Variants in HOMER1 observed in about 807,000 individuals in gnomAD.
HOMER1 encodes the protein homer protein homolog 1.
A neutral mutation model predicts 48.9 loss-of-function variants in HOMER1; 3 were observed. The observed-to-expected ratio is 0.06, with a 90% CI of 0.03 to 0.16. HOMER1 has a LOEUF of 0.16. HOMER1 is among the 10% of genes least tolerant of loss of function. The probability of loss-of-function intolerance (pLI) is 1.00; values close to 1 mark genes in which losing one functional copy is unlikely to be tolerated. For synonymous variants in HOMER1, 134 were observed against 146.4 expected (o/e 0.92, Z 0.61); for missense variants, 247 against 411.4 (o/e 0.60, Z 3.46).
chr5:79,457,409 C>G (rs1580463736), intron 1 of HOMER1, among the ~76,000 whole-genome samples: 1 of 152,188 alleles, frequency 6.6e-6, no homozygotes, highest in Non-Finnish European at 1.5e-5. Flanking sequence ...AGTTCTCATA[C>G]TACATTTACA....
intron 4 of HOMER1, among the ~76,000 whole-genome samples, chr5:79,446,689 G>A (rs748812505): frequency 9.2e-5 from 14 of 151,782 alleles, no homozygotes; most frequent in Non-Finnish European, 1.9e-4. Context: ...GCCCAGGCTG[G>A]AGCACAGTGG....
intron 5 of HOMER1, among the ~76,000 whole-genome samples, chr5:79,435,136 A>G (rs1750539402): frequency 6.6e-6 from 1 of 152,188 alleles, no homozygotes; most frequent in East Asian, 1.9e-4. Flanking sequence ...TATAAATACT[A>G]AAAATGTTTT....
At chr5:79,415,748 CTATAAA>C (rs1749927144) in intron 5 of HOMER1, among the ~76,000 whole-genome samples, 1 of 152,180 alleles carries the variant, frequency 6.6e-6, no homozygotes, top group Non-Finnish European at 1.5e-5. Context: ...CTTTATCACT[CTATAAA>C]TATTTCTGAG....
intron 3 of HOMER1, 138 bp downstream of exon 3, chr5:79,450,852 G>T: frequency 4.1e-6 from 3 of 735,560 alleles, no homozygotes; most frequent in Non-Finnish European, 6.3e-6. Context: ...CTTACTTCTT[G>T]CTCTGAAGTC....
chr5:79,417,818 T>C (rs1749985617), intron 5 of HOMER1, among the ~76,000 whole-genome samples: 1 of 152,158 alleles, frequency 6.6e-6, no homozygotes, highest in African/African-American at 2.4e-5. Flanking sequence ...CAATACATAG[T>C]GTTGTTGGGA....
chr5:79,498,766 C>T (rs1752492293), intron 1 of HOMER1, among the ~76,000 whole-genome samples: 1 of 151,652 alleles, frequency 6.6e-6, no homozygotes, highest in Non-Finnish European at 1.5e-5. Context: ...AAGTAACTTA[C>T]AACTACCTCG....
chr5:79,400,851 C>T (rs1480268804), intron 6 of HOMER1, among the ~76,000 whole-genome samples: 1 of 147,404 alleles, frequency 6.8e-6, no homozygotes, highest in South Asian at 2.1e-4. Context: ...CTCAAGCAAT[C>T]CTTCCCACTC....
intron 1 of HOMER1, among the ~76,000 whole-genome samples, chr5:79,501,752 T>C (rs1170963011): frequency 1.3e-5 from 2 of 152,180 alleles, no homozygotes; most frequent in Non-Finnish European, 2.9e-5. Flanking sequence ...ATCCAGCACA[T>C]GATCTGCCAT....
intron 5 of HOMER1, among the ~76,000 whole-genome samples, chr5:79,438,017 A>G (rs1429329450): frequency 6.6e-6 from 1 of 152,150 alleles, no homozygotes; most frequent in Non-Finnish European, 1.5e-5. Context: ...GAGGTCTCCC[A>G]ATGTTAGCCT....
chr5:79,500,764 A>G (rs1455479424), intron 1 of HOMER1, among the ~76,000 whole-genome samples: 1 of 96,262 alleles, frequency 1.0e-5, no homozygotes, highest in Non-Finnish European at 2.1e-5. Flanking sequence ...AGCTGGGACT[A>G]CAGGCGTGCG....
At chr5:79,415,749 T>C (rs1749927087) in intron 5 of HOMER1, among the ~76,000 whole-genome samples, 1 of 152,244 alleles carries the variant, frequency 6.6e-6, no homozygotes, top group South Asian at 2.1e-4. Context: ...TTTATCACTC[T>C]ATAAATATTT....
intron 1 of HOMER1, among the ~76,000 whole-genome samples, chr5:79,490,443 T>A (rs916173562): frequency 1.3e-5 from 2 of 151,948 alleles, no homozygotes; most frequent in Non-Finnish European, 2.9e-5. Context: ...AGATGGCTTA[T>A]ACAGAAGAGT....
chr5:79,461,903 G>A lies in HOMER1; in HGVS notation c.6-4885C>T, dbSNP rs144130627. Among the ~76,000 whole-genome samples, 74 of 152,160 alleles carry A rather than the reference G, an allele frequency of 4.9e-4. 1 individual carries two copies. The highest frequency in any genetic ancestry group is 1.6e-3 in the African/African-American group (67 of 41,518). On this transcript the variant is annotated intron_variant, in intron 1 of 8. Transcript: ENST00000334082. ...AATTGCTCTAAAAATCAATTTTAAA[G>A]ACAAATAGATCCATGCCGGGCGCAG...
rs559642302 is a variant in HOMER1, at chr5:79,372,923, A to T, written c.*3086T>A. On this transcript the variant is annotated 3_prime_UTR_variant, in exon 9 of 9. Transcript: ENST00000334082. The stretch of plus-strand genomic sequence containing the variant: ...AAAAAAAAAGTGAGCTTTTCCTCTA[A>T]CTGCTTCCCAACAGTTCAATGACAG... 6.6e-6 allele frequency: 1 copy of T among 152,126 alleles called. No individual in the cohort carries two copies. The highest frequency in any genetic ancestry group is 1.9e-4 in the East Asian group (1 of 5,196). 9.4% of individuals were successfully genotyped at this position (152,126 alleles called of 1,614,324 possible).
intron 1 of HOMER1, among the ~76,000 whole-genome samples, chr5:79,487,818 T>C (rs1752152789): frequency 1.3e-5 from 2 of 152,212 alleles, no homozygotes; most frequent in African/African-American, 2.4e-5. Context: ...GTACTGAAGA[T>C]GTGTTAAGAG....
chr5:79,459,756 A>G (rs1265779941), intron 1 of HOMER1, among the ~76,000 whole-genome samples: 3 of 152,252 alleles, frequency 2.0e-5, no homozygotes, highest in African/African-American at 7.2e-5. Context: ...CTTCACTACG[A>G]TAGATTCTCT....
At chr5:79,494,910 G>C (rs1729538808) in intron 1 of HOMER1, among the ~76,000 whole-genome samples, 1 of 152,186 alleles carries the variant, frequency 6.6e-6, no homozygotes, top group South Asian at 2.1e-4. Context: ...AGCCTGAGTA[G>C]TTGATCTAAA....
chr5:79,465,221 G>A (rs1751424430), intron 1 of HOMER1, among the ~76,000 whole-genome samples: 1 of 152,012 alleles, frequency 6.6e-6, no homozygotes, highest in Non-Finnish European at 1.5e-5. Flanking sequence ...TATAGTCTCA[G>A]CTACTCAAGA....
chr5:79,485,693 G>GC (rs1485848071), intron 1 of HOMER1, among the ~76,000 whole-genome samples: 1 of 152,194 alleles, frequency 6.6e-6, no homozygotes, highest in Non-Finnish European at 1.5e-5. Context: ...GAGAAAGAGA[G>GC]CAAACAAAGG....
Sources: allele counts gnomAD v4.1 joint callset (sites outside exome capture counted in the v4.1 genomes callset), GRCh38; gene constraint gnomAD v4.1.1; transcripts MANE v1.5; gene names NCBI Gene and HGNC (gene_info 2026-07-23, HGNC 2026-07-21).